POLQ: variants seen among roughly 807,000 people sequenced by gnomAD.
POLQ encodes DNA polymerase theta.
A neutral mutation model predicts 259.2 loss-of-function variants in POLQ; 233 were observed. The observed-to-expected ratio is 0.90, with a 90% confidence interval of 0.81 to 1.00. The LOEUF is 1.00. Among genes scored for constraint, POLQ ranks in the 50% least tolerant of loss-of-function variants. POLQ has a pLI of 0.00. For synonymous variants in POLQ, 1,025 were observed against 1,048.8 expected, an observed-to-expected ratio of 0.98 and a Z score of 0.44; for missense variants, 2,871 against 3,051.6, an observed-to-expected ratio of 0.94 and a Z score of 1.39.
At chr3:121,487,241 CTT>C in intron 16 of POLQ, 59 bp downstream of exon 16, 1 of 868,530 alleles carries the variant, frequency 1.2e-6, no homozygotes, top group Non-Finnish European at 1.7e-6. Context: ...AAATCTAACT[CTT>C]ATCTCAGTCT....
rs539965788 is a variant in POLQ at position 121,525,667 on chromosome 3, C to T, written c.1109-3518G>A. ...TGCCGATATCATAGAAGGGTCCGTG[C>T]CATAAAAAAAGTCAGAAGCAGTCTT... On this transcript the variant is annotated intron_variant, in intron 7 of 29. Transcript: ENST00000264233. Among the ~76,000 whole-genome samples the T allele has an allele frequency of 3.3e-5, 5 of 152,226 alleles. No homozygotes were observed. The South Asian group carries it at 1.0e-3, about 32-fold the overall frequency.
rs374328928 is a variant in POLQ at position 121,475,060 on chromosome 3, C to A, written c.6405+1480G>T. ...CTTAGTTACTTTGAAATATATAATA[C>A]GTTACTATTGACTGTAGTCACCCTT... On this transcript the variant is annotated intron_variant, in intron 20 of 29. Coordinates refer to ENST00000264233, the MANE Select transcript of POLQ (RefSeq NM_199420.4). Among the ~76,000 whole-genome samples the A allele has an allele frequency of 5.3e-5, 8 of 152,064 alleles. No individual in the cohort carries two copies. In the East Asian group the frequency reaches 1.5e-3, roughly 29 times the overall value.
At chr3:121,529,544 CAAT>C in intron 7 of POLQ, 98 bp downstream of exon 7, 2 of 1,101,890 alleles carry the variant, frequency 1.8e-6, no homozygotes, top group African/African-American at 3.1e-5. Flanking sequence ...CAGGCAGTGA[CAAT>C]GATGAACAAA....
intron 12 of POLQ, among the ~76,000 whole-genome samples, chr3:121,508,205 A>G (rs1480731271): frequency 1.3e-5 from 2 of 152,130 alleles, no homozygotes. Context: ...AGAGAAGTAT[A>G]CAAGACCACT....
At chr3:121,496,311 G>A (rs2048123702) in intron 14 of POLQ, among the ~76,000 whole-genome samples, 1 of 151,566 alleles carries the variant, frequency 6.6e-6, no homozygotes, top group South Asian at 2.1e-4. Flanking sequence ...CAGTAGCTGG[G>A]ATTATAAGCG....
chr3:121,478,576 T>TAAAAAA (rs143898506), intron 19 of POLQ, among the ~76,000 whole-genome samples: 1 of 77,400 alleles, frequency 1.3e-5, no homozygotes, highest in East Asian at 4.2e-4. Context: ...GGCAAATTTG[T>TAAAAAA]AAAAAAAAAA....
At chr3:121,465,237 G>A (rs975490749) in intron 24 of POLQ, among the ~76,000 whole-genome samples, 2 of 151,844 alleles carry the variant, frequency 1.3e-5, no homozygotes, top group Admixed American at 6.6e-5. Flanking sequence ...GACTACAGGT[G>A]CGCACCACCA....
rs371425818 is a variant in POLQ at position 121,537,124 on chromosome 3, T to G, written c.716A>C (p.Tyr239Ser). 2 of 1,570,608 alleles carry G rather than the reference T, an allele frequency of 1.3e-6. No homozygotes were observed. Among genetic ancestry groups the G allele is most frequent in the Non-Finnish European group, 8.8e-7 (1 of 1,140,632 alleles). Residue 239 changes from tyrosine (Y) to serine (S), a missense_variant, in exon 5 of 30, where the codon TAT becomes TCT. Tyr to Ser is a moderately radical substitution (Grantham distance 144, BLOSUM62 -2). Transcript: ENST00000264233. ...CCAAGATGCTGATTTCCGAGTAATA[T>G]AGCAAATCTTGGTCAGCAAAAGTTC... is the stretch of plus-strand genomic sequence containing the variant. Reference protein sequence around the residue: ...LLELLLTKICYITRKSASCQA... With the variant: ...LLELLLTKICSITRKSASCQA...
Position 121,488,786 on chromosome 3 carries a change from A to G in POLQ, c.4145T>C (p.Leu1382Pro). ...HIPFPAEQHP[L>P]GATKIDHLDL... is the part of the protein sequence containing the mutation. Reference sequence around the variant, plus strand: ...CAAATGATCTATCTTAGTCGCTCCTAGAGGGTGCTGTTCAGCAGGAAAAGG... The same window carrying G: ...CAAATGATCTATCTTAGTCGCTCCTGGAGGGTGCTGTTCAGCAGGAAAAGG... The change falls in exon 16 of 30, where the codon CTA (leucine) becomes CCA (proline). Residue 1382 changes from leucine to proline, a missense_variant. Around this residue, in one of 3 missense-constraint regions of POLQ, gnomAD observed 2,080 missense variants for 2,126.0 expected, o/e 0.98. Transcript: ENST00000264233. 1 of 1,613,938 alleles carries G rather than the reference A, an allele frequency of 6.2e-7. No homozygotes were observed.
chr3:121,539,233 C>A (rs559385341), intron 4 of POLQ, among the ~76,000 whole-genome samples, 200 bp downstream of exon 4: 1 of 152,040 alleles, frequency 6.6e-6, no homozygotes, highest in South Asian at 2.1e-4. Context: ...AAAAATGCAA[C>A]GTAACGGAGT....
chr3:121,463,255 T>C (rs1359574542), intron 24 of POLQ, among the ~76,000 whole-genome samples: 2 of 152,194 alleles, frequency 1.3e-5, no homozygotes, highest in Admixed American at 1.3e-4. Flanking sequence ...GTTTTATAAA[T>C]GGGAGTTCCC....
intron 22 of POLQ, among the ~76,000 whole-genome samples, chr3:121,471,462 C>A (rs1162224249): frequency 6.6e-6 from 1 of 152,112 alleles, no homozygotes; most frequent in Non-Finnish European, 1.5e-5. Flanking sequence ...AGGAACCAGG[C>A]TGGGCGCAGT....
chr3:121,514,679 C>A (rs2048282645), intron 9 of POLQ, among the ~76,000 whole-genome samples: 1 of 151,878 alleles, frequency 6.6e-6, no homozygotes, highest in Non-Finnish European at 1.5e-5. Flanking sequence ...TGGGGTCAGG[C>A]AGAAACAAAG....
At chr3:121,469,185 CAAAA>C (rs36073350) in intron 22 of POLQ, among the ~76,000 whole-genome samples, 1 of 113,236 alleles carries the variant, frequency 8.8e-6, no homozygotes, top group Non-Finnish European at 1.8e-5. Flanking sequence ...GAGACTGTCT[CAAAA>C]AAAAAAAAAA....
chr3:121,487,410 TG>T lies in POLQ; in HGVS notation c.5520del (p.Phe1840LeufsTer23). Reference protein sequence around the residue: ...VASDQNLFQTFIKEWRCKKRF... With the variant: ...VASDQNLFQTXIKEWRCKKRF... Reference sequence around the variant, plus strand: ...CGCTTTTTGCACCGCCACTCCTTAATGAATGTTTGGAAAAGATTTTGGTCAC... The same window carrying T: ...CGCTTTTTGCACCGCCACTCCTTAATAATGTTTGGAAAAGATTTTGGTCAC... On this transcript the variant is annotated frameshift_variant, in exon 16 of 30. Coordinates refer to ENST00000264233, the MANE Select transcript of POLQ (RefSeq NM_199420.4). LOFTEE classifies it high-confidence loss of function. 6.2e-7 allele frequency: 1 copy of T among 1,614,110 alleles called. No homozygotes were observed. Among genetic ancestry groups the T allele is most frequent in the South Asian group, 1.1e-5 (1 of 91,078 alleles).
At position 121,432,993 on chromosome 3, in the gene POLQ, T is replaced by C. The variant is rs563094524; in HGVS notation, c.7584A>G (p.Pro2528=). 8 of 1,612,496 alleles carry C rather than the reference T, an allele frequency of 5.0e-6. No homozygotes were observed. The South Asian group carries it at 6.6e-5, about 13-fold the overall frequency. Residue 2528 remains proline (P), a synonymous_variant, in exon 29 of 30, where the codon CCA becomes CCG. Coordinates refer to ENST00000264233, the MANE Select transcript of POLQ (RefSeq NM_199420.4). Reference sequence around the variant, plus strand: ...GAAGGATGAAGAAGCCTCCTCTGATTGGGCAGAACATCCCTTGCAGTTTTC... The same window carrying C: ...GAAGGATGAAGAAGCCTCCTCTGATCGGGCAGAACATCCCTTGCAGTTTTC... ...RKRKLQGMFC[P]IRGGFFILQL... is the part of the protein sequence containing the mutation.
rs751898775 is a variant in POLQ at position 121,537,725 on chromosome 3, G to A, written c.632-517C>T. 2.4e-4 allele frequency among the ~76,000 whole-genome samples: 37 copies of A among 151,950 alleles called. No individual in the cohort carries two copies. The Middle Eastern group carries it at 0.01, about 42-fold the overall frequency. ...ATGCCAATTCTTGCCTCCAGAAGTA[G>A]ATAATAGACAAGAGAAAAACAAATG... On this transcript the variant is annotated intron_variant, in intron 4 of 29. Transcript: ENST00000264233.
intron 17 of POLQ, among the ~76,000 whole-genome samples, chr3:121,484,403 G>A (rs902519326): frequency 1.3e-5 from 2 of 152,154 alleles, no homozygotes; most frequent in Non-Finnish European, 2.9e-5. Flanking sequence ...ACAGAAGACT[G>A]AAAATAAACT....
intron 19 of POLQ, among the ~76,000 whole-genome samples, chr3:121,477,780 G>T (rs2047939201): frequency 6.6e-6 from 1 of 152,092 alleles, no homozygotes; most frequent in Non-Finnish European, 1.5e-5. Flanking sequence ...ACCTTCCCCA[G>T]CTCCACACAA....
Sources: allele counts gnomAD v4.1 joint callset (sites outside exome capture counted in the v4.1 genomes callset), GRCh38; gene constraint gnomAD v4.1.1; regional missense constraint gnomAD v4.1.1; transcripts MANE v1.5; gene names NCBI Gene and HGNC (gene_info 2026-07-23, HGNC 2026-07-21).